The following PKHD1 variants were observed in gnomAD, a reference collection of about 807,000 sequenced individuals.
PKHD1 encodes the protein fibrocystin.
A neutral mutation model predicts 412.0 loss-of-function variants in PKHD1; 291 were observed. The observed-to-expected ratio is 0.71, with a 90% CI of 0.64 to 0.78. The LOEUF is 0.78. PKHD1 is among the 30% of genes least tolerant of loss of function. The pLI, the probability that PKHD1 is intolerant of heterozygous loss-of-function variation, is 0.00. For synonymous variants in PKHD1, 1,777 were observed against 1,821.5 expected (o/e 0.98, Z 0.62); for missense variants, 4,825 against 4,950.7 (o/e 0.97, Z 0.76).
At position 51,856,041 on chromosome 6, in the gene PKHD1, A is replaced by T; in HGVS notation, c.7763T>A (p.Leu2588Ter). Residue 2588 changes from leucine to a stop codon, truncating the protein, a stop_gained, in exon 49 of 67, where the codon TTA becomes TAA. Transcript: ENST00000371117. LOFTEE classifies it high-confidence loss of function. ...TTTATTTCTGCTGTCAGTCATGGTT[A>T]AATCATAAGAAACTTCAGGAGTATT... ...LANTPEVSYD[L>*]TMTDSRNKTT... is the part of the protein sequence containing the mutation. The T allele has an allele frequency of 6.2e-7, 1 of 1,604,458 alleles. No individual in the cohort carries two copies.
At chr6:51,764,232 C>A (rs570707824) in intron 55 of PKHD1, among the ~76,000 whole-genome samples, 2 of 150,072 alleles carry the variant, frequency 1.3e-5, no homozygotes, top group South Asian at 4.3e-4. Context: ...AAATAAACAA[C>A]CCAATCAAAA....
At chr6:52,087,229 CCTCT>C (rs565508693) in intron 1 of PKHD1, among the ~76,000 whole-genome samples, 1 of 151,710 alleles carries the variant, frequency 6.6e-6, no homozygotes, top group Non-Finnish European at 1.5e-5. Context: ...TTTTTGTTCT[CCTCT>C]CTCTCTCTCC....
At chr6:51,722,387 T>G (rs1205416590) in intron 60 of PKHD1, among the ~76,000 whole-genome samples, 1 of 152,152 alleles carries the variant, frequency 6.6e-6, no homozygotes, top group Non-Finnish European at 1.5e-5. Context: ...TAAACGAAAG[T>G]TTGCACATTA....
At chr6:51,751,909 A>G (rs4715231) in intron 57 of PKHD1, among the ~76,000 whole-genome samples, 48,713 of 152,098 alleles carry the variant, frequency 0.32, 9,673 homozygotes, top group East Asian at 0.68. Flanking sequence ...TCCACAAGAA[A>G]CACAAAATAG....
At chr6:51,838,908 A>G (rs561853422) in intron 50 of PKHD1, among the ~76,000 whole-genome samples, 1 of 152,232 alleles carries the variant, frequency 6.6e-6, no homozygotes, top group Admixed American at 6.5e-5. Context: ...AGAATAGTCC[A>G]TGGAACATGC....
chr6:52,003,468 T>C (rs539173126), intron 35 of PKHD1, among the ~76,000 whole-genome samples: 3 of 152,316 alleles, frequency 2.0e-5, no homozygotes, highest in South Asian at 2.1e-4. Flanking sequence ...CCCCTTTCCC[T>C]TCCTACTTGT....
chr6:51,882,523 C>A (rs1376978325), intron 46 of PKHD1, among the ~76,000 whole-genome samples: 1 of 152,132 alleles, frequency 6.6e-6, no homozygotes, highest in African/African-American at 2.4e-5. Flanking sequence ...TCTATGATTT[C>A]CATAATGATG....
At chr6:52,008,228 G>A (rs754839217) in intron 35 of PKHD1, among the ~76,000 whole-genome samples, 1 of 152,122 alleles carries the variant, frequency 6.6e-6, no homozygotes, top group Non-Finnish European at 1.5e-5. Flanking sequence ...GATAACTACC[G>A]GTGTGACCTT....
At chr6:51,908,789 C>G (rs562074827) in intron 40 of PKHD1, among the ~76,000 whole-genome samples, 1 of 152,200 alleles carries the variant, frequency 6.6e-6, no homozygotes, top group African/African-American at 2.4e-5. Context: ...TCAGCCCATT[C>G]CCCCTCATTT....
chr6:52,016,767 T>C (rs1460787728), intron 34 of PKHD1, among the ~76,000 whole-genome samples: 2 of 152,304 alleles, frequency 1.3e-5, no homozygotes, highest in East Asian at 3.9e-4. Flanking sequence ...CTGCCCTGTA[T>C]AGGAAAGGAA....
intron 21 of PKHD1, among the ~76,000 whole-genome samples, chr6:52,050,599 A>T (rs1408225406): frequency 6.6e-6 from 1 of 152,218 alleles, no homozygotes; most frequent in Non-Finnish European, 1.5e-5. Context: ...ACTCCTACAC[A>T]GTTAATCTAT....
intron 53 of PKHD1, among the ~76,000 whole-genome samples, chr6:51,790,499 T>G (rs1387247181): frequency 6.6e-6 from 1 of 152,172 alleles, no homozygotes; most frequent in African/African-American, 2.4e-5. Context: ...GTCCTTCCAC[T>G]AGCTACCCAG....
At position 51,648,207 on chromosome 6, in the gene PKHD1, C is replaced by T. The variant is rs188107201; in HGVS notation, c.11311-89G>A. On this transcript the variant is annotated intron_variant, in intron 62 of 66. Transcript: ENST00000371117. ...TTAGAAAAGATGGATCAGATATTTG[C>T]TTTTATAAAGCATATATTCAGTAGA... is the stretch of plus-strand genomic sequence containing the variant. The T allele has an allele frequency of 3.8e-4, 292 of 767,790 alleles. No individual in the cohort carries two copies. In the Admixed American group the frequency reaches 5.0e-3, roughly 13 times the overall value. 47.6% of individuals were successfully genotyped at this position (767,790 alleles called of 1,614,324 possible).
chr6:51,899,266 A>C (rs1328718612), intron 43 of PKHD1, among the ~76,000 whole-genome samples: 1 of 151,978 alleles, frequency 6.6e-6, no homozygotes, highest in African/African-American at 2.4e-5. Context: ...AAAAATCCTC[A>C]ATAAAATACT....
At chr6:52,017,307 G>A (rs570404239) in intron 34 of PKHD1, 103 bp downstream of exon 34, 37 of 856,480 alleles carry the variant, frequency 4.3e-5, no homozygotes, top group South Asian at 3.9e-4. Flanking sequence ...CCCTTACCAC[G>A]GCTGCCAGGC....
intron 1 of PKHD1, among the ~76,000 whole-genome samples, chr6:52,086,105 A>T (rs2397076): frequency 0.98 from 142,553 of 146,048 alleles, 69,665 homozygotes; most frequent in East Asian, 1. Flanking sequence ...CACACACACA[A>T]AGTGTGTGTG....
intron 36 of PKHD1, among the ~76,000 whole-genome samples, chr6:51,948,520 A>G (rs556475823): frequency 6.6e-6 from 1 of 152,146 alleles, no homozygotes; most frequent in African/African-American, 2.4e-5. Flanking sequence ...AAAAACTATA[A>G]TTTTCTTATT....
rs988478398 is a variant in PKHD1 at position 52,022,791 on chromosome 6, C to G, written c.5380+10G>C. 1 of 1,613,636 alleles carries G rather than the reference C, an allele frequency of 6.2e-7. No individual in the cohort carries two copies. The highest frequency in any genetic ancestry group is 1.6e-4 in the Middle Eastern group (1 of 6,062). On this transcript the variant is annotated intron_variant, in intron 33 of 66. Transcript: ENST00000371117. Reference sequence around the variant, plus strand: ...GCTTTAAAATATATGTGTGTGGCATCTTTACTCACCATCCAGGGGCAGAAC... The same window carrying G: ...GCTTTAAAATATATGTGTGTGGCATGTTTACTCACCATCCAGGGGCAGAAC...
intron 60 of PKHD1, chr6:51,721,976 G>T (rs1323734353): frequency 6.2e-7 from 1 of 1,613,482 alleles, no homozygotes; most frequent in African/African-American, 1.3e-5. Context: ...GCTTCCTGCA[G>T]GCTCCTCCTC....
Sources: gnomAD v4.1 joint callset for allele counts (sites outside exome capture counted in the v4.1 genomes callset) on GRCh38, gnomAD v4.1.1 for gene constraint, MANE v1.5 for transcripts, NCBI Gene and HGNC (gene_info 2026-07-23, HGNC 2026-07-21) for gene names.